The following JAK1 variants were observed in gnomAD, a reference collection of about 807,000 sequenced individuals.
JAK1 encodes the protein Janus kinase 1.
JAK1 carries 16 observed loss-of-function variants against 136.6 expected under a neutral mutation model. The observed-to-expected ratio is 0.12, with a 90% CI of 0.08 to 0.18. The LOEUF (loss-of-function observed/expected upper bound fraction) is 0.18. Ranked by LOEUF, JAK1 falls within the 10% of genes least tolerant of loss-of-function variation. The probability of loss-of-function intolerance (pLI) is 1.00; values close to 1 mark genes in which losing one functional copy is unlikely to be tolerated. For synonymous variants in JAK1, 492 were observed against 519.5 expected (o/e 0.95, Z 0.72); for missense variants, 859 against 1,450.1 (o/e 0.59, Z 6.62).
At chr1:65,059,307 A>G (rs1481942115) in intron 1 of JAK1, among the ~76,000 whole-genome samples, 2 of 152,188 alleles carry the variant, frequency 1.3e-5, no homozygotes, top group Non-Finnish European at 2.9e-5. Context: ...GTTTACACAA[A>G]CAAAAGGATT....
intron 1 of JAK1, among the ~76,000 whole-genome samples, chr1:64,936,286 A>G (rs190409054): frequency 1.3e-5 from 2 of 152,304 alleles, no homozygotes; most frequent in East Asian, 3.9e-4. Flanking sequence ...TTATTAGGCC[A>G]AATAAGCCTC....
In JAK1 at chr1:64,833,768, C is replaced by T. The variant is rs369849306; in HGVS notation, c.*794G>A. ...AGAGTTATAAAAGGATATACATTGA[C>T]GTTTCTTAAAAGCATGTGTAATAGC... On this transcript the variant is annotated 3_prime_UTR_variant, in exon 25 of 25. Coordinates refer to ENST00000342505, the MANE Select transcript of JAK1 (RefSeq NM_002227.4). 7 of 232,870 alleles carry T rather than the reference C, an allele frequency of 3.0e-5. No homozygotes were observed. The highest frequency in any genetic ancestry group is 1.2e-3 in the Middle Eastern group (1 of 802). 14.4% of individuals were successfully genotyped at this position (232,870 alleles called of 1,614,324 possible). A position where few individuals can be genotyped will look rare whatever the true frequency, so the allele number is the denominator to read the frequency against.
intron 11 of JAK1, 97 bp from the exon 12 acceptor site, chr1:64,851,007 G>A (rs1040974691): frequency 1.8e-5 from 14 of 781,050 alleles, no homozygotes; most frequent in African/African-American, 3.4e-5. Context: ...ACCGGTGTGC[G>A]GGCGCTTGCT....
In JAK1 at chr1:64,860,236, C is replaced by T. The variant is rs927461592; in HGVS notation, c.1203G>A (p.Glu401=). 6.2e-7 allele frequency: 1 copy of T among 1,607,530 alleles called. No individual in the cohort carries two copies. The highest frequency in any genetic ancestry group is 8.5e-7 in the Non-Finnish European group (1 of 1,175,582). ...CTACCAGGGACACAAAGGACAAGGC[C>T]TCCTCGTGGGAAGAGAGCTTCAGTT... ...KMELKLSSHE[E]ALSFVSLVDG... is the part of the protein sequence containing the mutation. The change falls in exon 9 of 25, where the codon GAG becomes GAA. Residue 401 remains glutamate (E), a synonymous_variant. Coordinates refer to ENST00000342505, the MANE Select transcript of JAK1 (RefSeq NM_002227.4).
intron 2 of JAK1, chr1:64,993,128 C>A (rs1164124577): frequency 1.3e-5 from 2 of 152,188 alleles, no homozygotes; most frequent in Non-Finnish European, 2.9e-5. Flanking sequence ...CTCTACAGAC[C>A]TGCCCACACA....
intron 11 of JAK1, among the ~76,000 whole-genome samples, chr1:64,854,524 C>T (rs1406361854): frequency 6.6e-6 from 1 of 152,206 alleles, no homozygotes; most frequent in Non-Finnish European, 1.5e-5. Context: ...ACCCACTTCG[C>T]TCTTCTGGGC....
chr1:64,968,313 G>A (rs1425764773), upstream of JAK1, among the ~76,000 whole-genome samples: 4 of 152,038 alleles, frequency 2.6e-5, no homozygotes, highest in Non-Finnish European at 1.5e-5. Context: ...AATAGACTAG[G>A]TTCCTGACCT....
intron 2 of JAK1, among the ~76,000 whole-genome samples, chr1:65,027,728 G>A (rs1323654731): frequency 6.6e-6 from 1 of 152,138 alleles, no homozygotes; most frequent in African/African-American, 2.4e-5. Flanking sequence ...CAGCCTAATA[G>A]GGAGCTCTGG....
intron 21 of JAK1, 79 bp downstream of exon 21, chr1:64,838,373 AAACTTACCCACTT>A (rs1387344171): frequency 1.1e-5 from 15 of 1,333,374 alleles, no homozygotes; most frequent in Non-Finnish European, 1.6e-5. Flanking sequence ...TAATTATCAT[AAACTTACCCACTT>A]AGAGTCAAAT....
chr1:65,001,740 GA>G (rs1646759930), intron 2 of JAK1, among the ~76,000 whole-genome samples: 1 of 151,550 alleles, frequency 6.6e-6, no homozygotes, highest in African/African-American at 2.4e-5. Flanking sequence ...ATGTGTGTTT[GA>G]GGGGCAGCAA....
At chr1:65,065,533 G>A (rs1223340025) in intron 1 of JAK1, among the ~76,000 whole-genome samples, 4 of 151,912 alleles carry the variant, frequency 2.6e-5, no homozygotes, top group Admixed American at 2.6e-4. Context: ...CTGGTAAGCA[G>A]AATAAAGGGA....
intron 4 of JAK1, 54 bp from the exon 5 acceptor site, chr1:64,873,577 C>T: frequency 6.2e-7 from 1 of 1,608,132 alleles, no homozygotes. Context: ...CAGATGTGGG[C>T]AGGGCGTCCT....
intron 2 of JAK1, among the ~76,000 whole-genome samples, chr1:65,044,156 C>T (rs1481696661): frequency 6.6e-6 from 1 of 152,098 alleles, no homozygotes; most frequent in Non-Finnish European, 1.5e-5. Flanking sequence ...TGTGCCCAGC[C>T]CTATTTACGT....
chr1:65,008,082 T>C (rs1296142181), intron 2 of JAK1, among the ~76,000 whole-genome samples: 2 of 152,152 alleles, frequency 1.3e-5, no homozygotes, highest in Non-Finnish European at 2.9e-5. Flanking sequence ...GGAATTTAGA[T>C]TGTGATTAGC....
chr1:64,838,355 A>G, intron 21 of JAK1, 110 bp downstream of exon 21: 2 of 1,180,812 alleles, frequency 1.7e-6, no homozygotes, highest in Non-Finnish European at 1.2e-6. Flanking sequence ...AGAGAAAAAC[A>G]AACAGTATAA....
At chr1:64,914,829 G>A (rs1465869662) in intron 1 of JAK1, among the ~76,000 whole-genome samples, 1 of 152,142 alleles carries the variant, frequency 6.6e-6, no homozygotes, top group East Asian at 1.9e-4. Context: ...CTCCCAAAGT[G>A]CTAGGATTAC....
At position 65,022,795 on chromosome 1, in the gene JAK1, G is replaced by C. The variant is rs1029272581; in HGVS notation, c.-78+21685C>G. Among the ~76,000 whole-genome samples the C allele has an allele frequency of 9.9e-5, 15 of 152,254 alleles. 1 individual carries two copies. The East Asian group carries it at 2.7e-3, about 27-fold the overall frequency. ...ATATTCATTGGGAAAAATTAATATA[G>C]CATTTTATTTAGGGCTTTCAATGTG... On this transcript the variant is annotated intron_variant, in intron 2 of 25. Transcript: ENST00000671954.
At chr1:65,021,988 T>A (rs1157473314) in intron 2 of JAK1, among the ~76,000 whole-genome samples, 4 of 152,076 alleles carry the variant, frequency 2.6e-5, no homozygotes, top group African/African-American at 9.7e-5. Context: ...GAAACAGCAA[T>A]AACACAACGT....
intron 1 of JAK1, among the ~76,000 whole-genome samples, chr1:64,930,945 C>T (rs185245433): frequency 1.3e-4 from 18 of 143,534 alleles, no homozygotes; most frequent in African/African-American, 4.6e-4. Context: ...GGGAGTTGAA[C>T]AATGAGAACA....
Sources: gnomAD v4.1 joint callset for allele counts (sites outside exome capture counted in the v4.1 genomes callset) on GRCh38, gnomAD v4.1.1 for gene constraint, MANE v1.5 for transcripts, NCBI Gene and HGNC (gene_info 2026-07-23, HGNC 2026-07-21) for gene names.